ANO10: variants seen among roughly 807,000 people sequenced by gnomAD.
The protein encoded by ANO10 is anoctamin-10.
Under a neutral mutation model 74.7 loss-of-function variants are expected in ANO10, and 77 were observed. The observed-to-expected ratio is 1.03, with a 90% confidence interval of 0.86 to 1.25. The LOEUF (loss-of-function observed/expected upper bound fraction) is 1.25, where lower values mean the gene tolerates loss of function less well. Among genes scored for constraint, ANO10 ranks in the 50% most tolerant of loss-of-function variants. ANO10 has a pLI of 0.00. For synonymous variants in ANO10, 279 were observed against 284.9 expected, an observed-to-expected ratio of 0.98 and a Z score of 0.21; for missense variants, 721 against 778.1, an observed-to-expected ratio of 0.93 and a Z score of 0.87.
intron 11 of ANO10, among the ~76,000 whole-genome samples, chr3:43,505,002 AAAG>A (rs1276143342): frequency 6.6e-6 from 1 of 152,192 alleles, no homozygotes; most frequent in Non-Finnish European, 1.5e-5. Flanking sequence ...AGTTTCTTTC[AAAG>A]AAGATGGTAA....
At chr3:43,384,027 C>G (rs1416222078) in intron 12 of ANO10, among the ~76,000 whole-genome samples, 1 of 152,152 alleles carries the variant, frequency 6.6e-6, no homozygotes, top group East Asian at 1.9e-4. Context: ...ACCCTAAAGA[C>G]TCATCCAAAA....
intron 1 of ANO10, among the ~76,000 whole-genome samples, chr3:43,647,393 C>T (rs2083738917): frequency 1.3e-5 from 2 of 151,902 alleles, no homozygotes; most frequent in South Asian, 4.2e-4. Flanking sequence ...GCTTAGATGT[C>T]CGAGGGCAGA....
At chr3:43,403,871 C>T (rs551171905) in intron 12 of ANO10, among the ~76,000 whole-genome samples, 1 of 152,188 alleles carries the variant, frequency 6.6e-6, no homozygotes. Context: ...TAGGGTAAGT[C>T]CTAGGCCCTG....
At chr3:43,599,822 C>T (rs1354086083) in intron 3 of ANO10, among the ~76,000 whole-genome samples, 3 of 151,556 alleles carry the variant, frequency 2.0e-5, no homozygotes, top group African/African-American at 4.9e-5. Flanking sequence ...AGGAGAATGG[C>T]GTGAACCCGA....
chr3:43,493,786 A>G (rs1332167847), intron 11 of ANO10, among the ~76,000 whole-genome samples: 1 of 152,206 alleles, frequency 6.6e-6, no homozygotes, highest in Non-Finnish European at 1.5e-5. Context: ...CCCAGGCTGG[A>G]GTGCAGTAGC....
In ANO10 at chr3:43,565,371, A is replaced by C. The variant is rs17075829; in HGVS notation, c.1293+282T>G. On this transcript the variant is annotated intron_variant, in intron 8 of 12. Transcript: ENST00000292246. ...AAACAGTTCAGTTAATGAATACTAT[A>C]TTTTTGCTGTTAGAGTTGCTTACAA... is the stretch of plus-strand genomic sequence containing the variant. 0.092 allele frequency among the ~76,000 whole-genome samples: 13,962 copies of C among 152,134 alleles called. 998 individuals are homozygous for C. The highest frequency in any genetic ancestry group is 0.2 in the African/African-American group (8,115 of 41,490).
chr3:43,681,768 A>G (rs1318180226), intron 1 of ANO10, among the ~76,000 whole-genome samples: 1 of 151,658 alleles, frequency 6.6e-6, no homozygotes, highest in Non-Finnish European at 1.5e-5. Context: ...ACTCAGGATT[A>G]AGAAACTCAC....
intron 1 of ANO10, among the ~76,000 whole-genome samples, 173 bp from the exon 2 acceptor site, chr3:43,606,036 T>C (rs745515121): frequency 6.6e-6 from 1 of 152,222 alleles, no homozygotes. Flanking sequence ...TCAAAGTACA[T>C]GTGTGAGCCA....
At chr3:43,463,800 A>C (rs546438899) in intron 11 of ANO10, among the ~76,000 whole-genome samples, 1 of 152,264 alleles carries the variant, frequency 6.6e-6, no homozygotes, top group African/African-American at 2.4e-5. Context: ...TTGGTTTTGA[A>C]ATGAGAGGAT....
chr3:43,571,999 T>C (rs1160774217), intron 7 of ANO10, among the ~76,000 whole-genome samples: 1 of 151,958 alleles, frequency 6.6e-6, no homozygotes, highest in Non-Finnish European at 1.5e-5. Flanking sequence ...AGGAGAACTC[T>C]GAAAGGTGCT....
At chr3:43,619,727 C>T (rs1208738949) in intron 1 of ANO10, among the ~76,000 whole-genome samples, 1 of 151,630 alleles carries the variant, frequency 6.6e-6, no homozygotes, top group Non-Finnish European at 1.5e-5. Context: ...TAGCTGGATA[C>T]GGTGAAGCTC....
chr3:43,516,129 C>T (rs1258264673), intron 11 of ANO10, among the ~76,000 whole-genome samples: 1 of 152,214 alleles, frequency 6.6e-6, no homozygotes, highest in East Asian at 1.9e-4. Context: ...ACTCTGAATA[C>T]AGCATGGATC....
intron 12 of ANO10, among the ~76,000 whole-genome samples, chr3:43,429,358 T>A (rs1343241103): frequency 6.6e-6 from 1 of 152,142 alleles, no homozygotes; most frequent in Non-Finnish European, 1.5e-5. Context: ...ATATCTTTTT[T>A]AAAAAAGCAA....
At chr3:43,490,122 A>G (rs577996628) in intron 11 of ANO10, among the ~76,000 whole-genome samples, 1 of 152,346 alleles carries the variant, frequency 6.6e-6, no homozygotes, top group Non-Finnish European at 1.5e-5. Flanking sequence ...CTGAAGTCAG[A>G]GAAGGCTTAC....
intron 1 of ANO10, among the ~76,000 whole-genome samples, chr3:43,638,407 G>T (rs866054117): frequency 7.9e-5 from 12 of 152,056 alleles, no homozygotes; most frequent in African/African-American, 2.9e-4. Flanking sequence ...CCCTATTAAA[G>T]CATGTGTCAT....
rs780698368 is a variant in ANO10, at chr3:43,549,805, C to T, written c.1712G>A (p.Cys571Tyr). The change falls in exon 11 of 13, where the codon TGT (cysteine) becomes TAT (tyrosine). Residue 571 changes from cysteine to tyrosine, a missense_variant. Transcript: ENST00000292246. ...TMSVISVVTN[C>Y]ALIGMSPQVN... ...TTGTGGTGACATTCCAATCAGCGCACAGTTAGTGACCACAGATATAACACT... is the reference window on the plus strand; with the variant it reads ...TTGTGGTGACATTCCAATCAGCGCATAGTTAGTGACCACAGATATAACACT... 1 of 1,613,840 alleles carries T rather than the reference C, an allele frequency of 6.2e-7. No homozygotes were observed. The highest frequency in any genetic ancestry group is 1.3e-5 in the African/African-American group (1 of 74,896).
intron 1 of ANO10, among the ~76,000 whole-genome samples, chr3:43,688,338 C>T (rs912693069): frequency 6.6e-6 from 1 of 152,088 alleles, no homozygotes; most frequent in Non-Finnish European, 1.5e-5. Flanking sequence ...TCAACAGACA[C>T]TCTGAGAGGT....
At chr3:43,506,947 G>A (rs776955467) in intron 11 of ANO10, among the ~76,000 whole-genome samples, 2 of 151,994 alleles carry the variant, frequency 1.3e-5, no homozygotes, top group Non-Finnish European at 2.9e-5. Context: ...TACACTCCAC[G>A]AGTACAGAGG....
chr3:43,512,531 G>C (rs2077549880), intron 11 of ANO10, among the ~76,000 whole-genome samples: 1 of 152,136 alleles, frequency 6.6e-6, no homozygotes, highest in African/African-American at 2.4e-5. Context: ...AACGCTAGCA[G>C]TAGAGGTCAT....
Sources: gnomAD v4.1 joint callset for allele counts (sites outside exome capture counted in the v4.1 genomes callset) on GRCh38, gnomAD v4.1.1 for gene constraint, MANE v1.5 for transcripts, NCBI Gene and HGNC (gene_info 2026-07-23, HGNC 2026-07-21) for gene names.